The following SYT1 variants were observed in gnomAD, a reference collection of about 807,000 sequenced individuals.
The protein encoded by SYT1 is synaptotagmin-1.
A neutral mutation model predicts 44.8 loss-of-function variants in SYT1; 8 were observed. The observed-to-expected ratio is 0.18, with a 90% CI of 0.10 to 0.32. The LOEUF is 0.32. Ranked by LOEUF, SYT1 falls within the 10% of genes least tolerant of loss-of-function variation. The pLI, the probability that SYT1 is intolerant of heterozygous loss-of-function variation, is 1.00. For synonymous variants in SYT1, 154 were observed against 188.8 expected, an observed-to-expected ratio of 0.82 and a Z score of 1.51; for missense variants, 286 against 509.3, an observed-to-expected ratio of 0.56 and a Z score of 4.22.
intron 9 of SYT1, among the ~76,000 whole-genome samples, chr12:79,369,532 A>G (rs1883696092): frequency 6.6e-6 from 1 of 152,214 alleles, no homozygotes; most frequent in Admixed American, 6.5e-5. Context: ...CCTGATCCAT[A>G]TTGAGATTAA....
intron 9 of SYT1, among the ~76,000 whole-genome samples, chr12:79,417,731 A>C (rs1868836572): frequency 6.6e-6 from 1 of 152,148 alleles, no homozygotes. Flanking sequence ...CTATGCATTC[A>C]CACAGGGGAG....
chr12:79,229,968 T>A (rs946729471), intron 4 of SYT1, among the ~76,000 whole-genome samples: 1 of 152,094 alleles, frequency 6.6e-6, no homozygotes, highest in Admixed American at 6.6e-5. Flanking sequence ...ATTTTCAGTA[T>A]ATTAAAAACT....
chr12:79,138,989 A>G (rs1488329095), intron 3 of SYT1, among the ~76,000 whole-genome samples: 1 of 152,200 alleles, frequency 6.6e-6, no homozygotes, highest in Non-Finnish European at 1.5e-5. Flanking sequence ...TCAAAATATT[A>G]AATAAAGGCA....
intron 1 of SYT1, among the ~76,000 whole-genome samples, chr12:78,909,286 A>C (rs1876171732): frequency 6.6e-6 from 1 of 151,970 alleles, no homozygotes; most frequent in South Asian, 2.1e-4. Flanking sequence ...TTTATTTACA[A>C]AACATCTCAG....
chr12:78,939,075 G>T (rs1878217150), intron 1 of SYT1, among the ~76,000 whole-genome samples: 1 of 152,124 alleles, frequency 6.6e-6, no homozygotes, highest in South Asian at 2.1e-4. Context: ...AGAGCCTTAA[G>T]ATCTGTGGTA....
In SYT1 at chr12:79,089,236, A is replaced by G. The variant is rs17046360; in HGVS notation, c.-18+41874A>G. On this transcript the variant is annotated intron_variant, in intron 3 of 10. Transcript: ENST00000261205. ...GTAATGAGAATTAAAACTGCACAGA[A>G]ACAATCAGGGTTTAGAAGGCTAAAG... 9.0e-3 allele frequency among the ~76,000 whole-genome samples: 1,377 copies of G among 152,208 alleles called. 27 individuals are homozygous for G. The highest frequency in any genetic ancestry group is 0.032 in the African/African-American group (1,319 of 41,558).
In SYT1 at chr12:79,033,413, A is replaced by G. The variant is rs559523461; in HGVS notation, c.-83-13884A>G. On this transcript the variant is annotated intron_variant, in intron 2 of 10. Transcript: ENST00000261205. Reference sequence around the variant, plus strand: ...TATTTCTCTCAAATATAATTACATTACTTTAAAAACATCTTTGAATTCTCC... The same window carrying G: ...TATTTCTCTCAAATATAATTACATTGCTTTAAAAACATCTTTGAATTCTCC... Among the ~76,000 whole-genome samples the G allele has an allele frequency of 2.6e-5, 4 of 151,582 alleles. No homozygotes were observed. In the East Asian group the frequency reaches 7.8e-4, roughly 29 times the overall value.
chr12:79,408,517 A>G (rs1868314800), intron 9 of SYT1, among the ~76,000 whole-genome samples: 1 of 152,130 alleles, frequency 6.6e-6, no homozygotes, highest in Non-Finnish European at 1.5e-5. Flanking sequence ...GATTCAGCCC[A>G]TGCTTTCATG....
chr12:79,338,984 C>A (rs563181846), intron 8 of SYT1, among the ~76,000 whole-genome samples: 2 of 152,264 alleles, frequency 1.3e-5, no homozygotes, highest in East Asian at 3.9e-4. Context: ...CATGTCACTA[C>A]AAACAACATG....
At chr12:78,867,541 T>C (rs1291931438) in intron 1 of SYT1, among the ~76,000 whole-genome samples, 1 of 152,066 alleles carries the variant, frequency 6.6e-6, no homozygotes, top group African/African-American at 2.4e-5. Context: ...ATACAATCTT[T>C]GTTTTTTCTC....
chr12:78,994,352 G>A (rs142121885), intron 2 of SYT1, among the ~76,000 whole-genome samples: 228 of 152,272 alleles, frequency 1.5e-3, no homozygotes, highest in African/African-American at 4.4e-3. Context: ...AGAATCACAA[G>A]TGGATGTCTA....
intron 2 of SYT1, among the ~76,000 whole-genome samples, chr12:79,012,168 G>A (rs1663019959): frequency 6.6e-6 from 1 of 151,500 alleles, no homozygotes; most frequent in Non-Finnish European, 1.5e-5. Flanking sequence ...ATCATCTGTG[G>A]TGTATTATAT....
intron 5 of SYT1, among the ~76,000 whole-genome samples, chr12:79,289,609 A>G (rs991715408): frequency 1.3e-5 from 2 of 152,196 alleles, no homozygotes; most frequent in African/African-American, 4.8e-5. Context: ...GGGCTGAAAC[A>G]TGATACATAA....
chr12:78,944,436 C>T (rs1170536266), intron 1 of SYT1, among the ~76,000 whole-genome samples: 1 of 151,716 alleles, frequency 6.6e-6, no homozygotes, highest in African/African-American at 2.4e-5. Flanking sequence ...AGCCTCAGGA[C>T]ATTAATTTTA....
chr12:79,147,563 G>T (rs1869997090), intron 3 of SYT1, among the ~76,000 whole-genome samples: 1 of 152,166 alleles, frequency 6.6e-6, no homozygotes, highest in African/African-American at 2.4e-5. Context: ...AGTAGGCTTT[G>T]TGAGGTTAAA....
chr12:78,933,197 C>T (rs746964530), intron 1 of SYT1, among the ~76,000 whole-genome samples: 3 of 152,086 alleles, frequency 2.0e-5, no homozygotes, highest in African/African-American at 4.8e-5. Context: ...TGTTGGTCTG[C>T]ATATGGTTAG....
chr12:79,037,968 A>G (rs890224639), intron 2 of SYT1, among the ~76,000 whole-genome samples: 1 of 151,644 alleles, frequency 6.6e-6, no homozygotes, highest in African/African-American at 2.4e-5. Flanking sequence ...ATGGCATTTT[A>G]TTTTTGTTTA....
intron 9 of SYT1, among the ~76,000 whole-genome samples, chr12:79,389,941 TC>T (rs1261969508): frequency 6.6e-6 from 1 of 151,856 alleles, no homozygotes; most frequent in Non-Finnish European, 1.5e-5. Flanking sequence ...TTTTTTTTTT[TC>T]TTTTTTTTGA....
At chr12:78,874,999 A>G (rs1481582659) in intron 1 of SYT1, among the ~76,000 whole-genome samples, 1 of 151,632 alleles carries the variant, frequency 6.6e-6, no homozygotes, top group Non-Finnish European at 1.5e-5. Context: ...TGAAGAAATT[A>G]AGCTTAGTAG....
Sources: gnomAD v4.1 joint callset for allele counts (sites outside exome capture counted in the v4.1 genomes callset) on GRCh38, gnomAD v4.1.1 for gene constraint, MANE v1.5 for transcripts, NCBI Gene and HGNC (gene_info 2026-07-23, HGNC 2026-07-21) for gene names.